Variants in MAGI2 observed in about 807,000 individuals in gnomAD.
MAGI2 encodes membrane associated guanylate kinase, WW and PDZ domain containing 2.
MAGI2 carries 35 observed loss-of-function variants against 133.3 expected under a neutral mutation model. The observed-to-expected ratio is 0.26, with a 90% confidence interval of 0.20 to 0.35. The LOEUF (loss-of-function observed/expected upper bound fraction) is 0.35. MAGI2 is among the 10% of genes least tolerant of loss of function. The pLI, the probability that MAGI2 is intolerant of heterozygous loss-of-function variation, is 1.00. For synonymous variants in MAGI2, 729 were observed against 710.6 expected, an observed-to-expected ratio of 1.03 and a Z score of -0.41; for missense variants, 1,636 against 1,863.4, an observed-to-expected ratio of 0.88 and a Z score of 2.25.
intron 4 of MAGI2, among the ~76,000 whole-genome samples, chr7:78,502,062 C>A (rs943913917): frequency 6.6e-6 from 1 of 151,970 alleles, no homozygotes; most frequent in Middle Eastern, 3.2e-3. Context: ...GTATGGTGAG[C>A]AGAATAATGG....
chr7:79,120,667 G>C (rs1359416055), intron 1 of MAGI2, among the ~76,000 whole-genome samples: 1 of 152,018 alleles, frequency 6.6e-6, no homozygotes, highest in Non-Finnish European at 1.5e-5. Context: ...TAGAAGATGA[G>C]AGAAAGGACC....
At chr7:78,216,808 C>T (rs1160917769) in intron 10 of MAGI2, among the ~76,000 whole-genome samples, 1 of 152,180 alleles carries the variant, frequency 6.6e-6, no homozygotes, top group Admixed American at 6.5e-5. Context: ...GGTATTTCCC[C>T]TCTTTGGGTC....
At chr7:78,443,301 G>T (rs1787803400) in intron 6 of MAGI2, among the ~76,000 whole-genome samples, 1 of 152,126 alleles carries the variant, frequency 6.6e-6, no homozygotes, top group African/African-American at 2.4e-5. Flanking sequence ...ATACACTGGG[G>T]AGTTGCACTG....
intron 2 of MAGI2, among the ~76,000 whole-genome samples, chr7:78,804,606 G>T (rs1330773069): frequency 6.6e-6 from 1 of 151,554 alleles, no homozygotes; most frequent in Admixed American, 6.6e-5. Context: ...AAAATTAGCC[G>T]GGCATGGTGG....
chr7:79,283,770 AT>A (rs1835812503), intron 1 of MAGI2, among the ~76,000 whole-genome samples: 1 of 152,026 alleles, frequency 6.6e-6, no homozygotes. Flanking sequence ...TGTTTAGATT[AT>A]TTTAGTTGTT....
chr7:78,111,289 G>A (rs3807735), intron 20 of MAGI2, among the ~76,000 whole-genome samples: 17,511 of 152,032 alleles, frequency 0.12, 1,288 homozygotes, highest in Middle Eastern at 0.19. Flanking sequence ...AAACTTTCTC[G>A]TTCTTTTCCA....
At chr7:79,201,903 C>T (rs1828647314) in intron 1 of MAGI2, among the ~76,000 whole-genome samples, 1 of 151,820 alleles carries the variant, frequency 6.6e-6, no homozygotes, top group Non-Finnish European at 1.5e-5. Flanking sequence ...ATCTAAGACT[C>T]ATAGCATACT....
At chr7:78,286,272 A>G (rs1796134455) in intron 9 of MAGI2, among the ~76,000 whole-genome samples, 2 of 152,098 alleles carry the variant, frequency 1.3e-5, no homozygotes, top group African/African-American at 2.4e-5. Context: ...AGGATTTAAG[A>G]GACATTACAA....
At chr7:79,421,642 T>C (rs1846966259) in intron 1 of MAGI2, among the ~76,000 whole-genome samples, 1 of 151,914 alleles carries the variant, frequency 6.6e-6, no homozygotes, top group African/African-American at 2.4e-5. Flanking sequence ...CCTATCTCAT[T>C]GCAATACAGC....
chr7:79,120,198 T>G (rs141313686), intron 1 of MAGI2, among the ~76,000 whole-genome samples: 1 of 152,218 alleles, frequency 6.6e-6, no homozygotes, highest in African/African-American at 2.4e-5. Context: ...TTTACAATTT[T>G]TATTATGATC....
chr7:79,183,680 C>T (rs1826816227), intron 1 of MAGI2, among the ~76,000 whole-genome samples: 1 of 151,868 alleles, frequency 6.6e-6, no homozygotes, highest in Admixed American at 6.6e-5. Flanking sequence ...GATATCTGTA[C>T]TCTCATGTTT....
intron 6 of MAGI2, among the ~76,000 whole-genome samples, chr7:78,473,217 G>C (rs888621219): frequency 1.3e-5 from 2 of 152,034 alleles, no homozygotes; most frequent in Non-Finnish European, 2.9e-5. Flanking sequence ...GCTACCATCT[G>C]ATCCCATTAC....
intron 6 of MAGI2, among the ~76,000 whole-genome samples, chr7:78,444,769 A>ATACACATATATATG (rs1423254533): frequency 8.9e-6 from 1 of 112,202 alleles, no homozygotes; most frequent in African/African-American, 3.1e-5. Context: ...GTGTTTGTGT[A>ATACACATATATATG]TGTGTATATA....
At chr7:79,200,713 C>G (rs1418886119) in intron 1 of MAGI2, among the ~76,000 whole-genome samples, 1 of 151,782 alleles carries the variant, frequency 6.6e-6, no homozygotes, top group Non-Finnish European at 1.5e-5. Context: ...TATGGTGATA[C>G]TATGACATCA....
intron 10 of MAGI2, among the ~76,000 whole-genome samples, chr7:78,210,630 T>C (rs1787680625): frequency 6.6e-6 from 1 of 152,154 alleles, no homozygotes; most frequent in African/African-American, 2.4e-5. Flanking sequence ...AGTAATTGGC[T>C]CTACTGTGTG....
chr7:78,622,266 G>T (rs189761951), intron 3 of MAGI2, among the ~76,000 whole-genome samples: 27 of 152,042 alleles, frequency 1.8e-4, no homozygotes, highest in African/African-American at 5.8e-4. Flanking sequence ...TAATCTTAAG[G>T]CTGAGAGTAA....
chr7:78,285,654 TCTGTG>T (rs1227914391), intron 9 of MAGI2: 1 of 152,198 alleles, frequency 6.6e-6, no homozygotes. Context: ...TAACTGCCTC[TCTGTG>T]CTCTAAGCTC....
At chr7:78,664,827 CTT>C (rs1813367858) in intron 2 of MAGI2, among the ~76,000 whole-genome samples, 1 of 151,870 alleles carries the variant, frequency 6.6e-6, no homozygotes, top group South Asian at 2.1e-4. Flanking sequence ...TTTAAAAGCA[CTT>C]TTATTTAAAC....
intron 2 of MAGI2, among the ~76,000 whole-genome samples, chr7:78,851,265 A>C (rs554086089): frequency 7.2e-5 from 11 of 152,172 alleles, no homozygotes; most frequent in Non-Finnish European, 1.6e-4. Context: ...TTTAACAAGC[A>C]TATCTTAACC....
Sources: gnomAD v4.1 joint callset for allele counts (sites outside exome capture counted in the v4.1 genomes callset) on GRCh38, gnomAD v4.1.1 for gene constraint, MANE v1.5 for transcripts, NCBI Gene and HGNC (gene_info 2026-07-23, HGNC 2026-07-21) for gene names.